BANK1: variants seen among roughly 807,000 people sequenced by gnomAD.
BANK1 encodes the protein B-cell scaffold protein with ankyrin repeats.
In BANK1, 95 loss-of-function variants were observed where a neutral mutation model predicts 94.5. That is an observed-to-expected ratio of 1.00 (90% CI 0.85 to 1.19). The LOEUF is 1.19. Ranked by LOEUF, BANK1 falls within the 50% of genes most tolerant of loss-of-function variation. The pLI is 0.00. For missense variants in BANK1, 987 were observed against 932.2 expected (o/e 1.06, Z -0.77); for synonymous variants, 334 against 308.4 (o/e 1.08, Z -0.87).
chr4:101,928,412 A>G (rs1352574565), intron 7 of BANK1, among the ~76,000 whole-genome samples: 2 of 151,160 alleles, frequency 1.3e-5, no homozygotes, highest in Non-Finnish European at 3.0e-5. Context: ...ACTGTCAGGG[A>G]AAAAAAAATC....
chr4:102,007,120 T>TATAATATATATATA (rs1301827687), intron 7 of BANK1, among the ~76,000 whole-genome samples: 2 of 35,302 alleles, frequency 5.7e-5, no homozygotes, highest in African/African-American at 1.6e-4. Flanking sequence ...TAAATATATA[T>TATAATATATATATA]TTTATATATA....
intron 6 of BANK1, among the ~76,000 whole-genome samples, chr4:101,903,468 G>A (rs1722347612): frequency 6.6e-6 from 1 of 152,150 alleles, no homozygotes; most frequent in African/African-American, 2.4e-5. Flanking sequence ...GTATGTGGAA[G>A]AAAAAGCCAG....
At chr4:102,044,048 T>C in intron 11 of BANK1, 141 bp downstream of exon 11, 1 of 492,930 alleles carries the variant, frequency 2.0e-6, no homozygotes, top group Non-Finnish European at 3.6e-6. Context: ...ATTATTATTA[T>C]ACTTTAAGTT....
chr4:101,939,515 C>T (rs1723673341), intron 7 of BANK1, among the ~76,000 whole-genome samples: 1 of 151,640 alleles, frequency 6.6e-6, no homozygotes, highest in Admixed American at 6.6e-5. Context: ...GCAGCATTAC[C>T]TGGAAACGTG....
chr4:101,885,797 G>A (rs142780464), intron 5 of BANK1, among the ~76,000 whole-genome samples: 294 of 152,308 alleles, frequency 1.9e-3, no homozygotes, highest in Non-Finnish European at 3.4e-3. Context: ...AACACCATGT[G>A]CAAACATCAC....
chr4:101,890,458 A>G (rs939904925), intron 5 of BANK1, among the ~76,000 whole-genome samples: 15 of 151,238 alleles, frequency 9.9e-5, no homozygotes, highest in African/African-American at 3.4e-4. Context: ...TGTCTATTTT[A>G]TTGATATTAA....
At chr4:101,811,927 T>A (rs984411612) in intron 1 of BANK1, among the ~76,000 whole-genome samples, 7 of 152,044 alleles carry the variant, frequency 4.6e-5, no homozygotes, top group Non-Finnish European at 7.4e-5. Context: ...AGGGCAGGAA[T>A]TGGGCTTTAT....
intron 10 of BANK1, among the ~76,000 whole-genome samples, chr4:102,041,261 T>C (rs1327690175): frequency 2.0e-5 from 3 of 152,060 alleles, no homozygotes; most frequent in African/African-American, 7.2e-5. Flanking sequence ...TTTCAGCTAA[T>C]AGGAACTATA....
intron 5 of BANK1, among the ~76,000 whole-genome samples, chr4:101,890,163 T>C (rs1162324672): frequency 6.6e-6 from 1 of 152,150 alleles, no homozygotes; most frequent in Admixed American, 6.5e-5. Flanking sequence ...TCTATGTATG[T>C]GGATTGATGC....
intron 10 of BANK1, among the ~76,000 whole-genome samples, chr4:102,033,834 C>T (rs1727409020): frequency 6.6e-6 from 1 of 152,172 alleles, no homozygotes; most frequent in Non-Finnish European, 1.5e-5. Flanking sequence ...AGCTGGACTA[C>T]AAATAATGTC....
chr4:102,066,492 C>T (rs1331050176), intron 13 of BANK1, among the ~76,000 whole-genome samples: 1 of 152,034 alleles, frequency 6.6e-6, no homozygotes, highest in Non-Finnish European at 1.5e-5. Flanking sequence ...CTCCTGACCT[C>T]GTGATCCGCC....
intron 7 of BANK1, among the ~76,000 whole-genome samples, chr4:101,956,771 C>G (rs536740336): frequency 3.5e-4 from 53 of 152,266 alleles, no homozygotes; most frequent in Non-Finnish European, 4.4e-5. Flanking sequence ...TGTAATGAAA[C>G]TGATTGATCA....
chr4:101,855,276 AT>A, intron 3 of BANK1, 87 bp downstream of exon 3: 1 of 1,352,886 alleles, frequency 7.4e-7, no homozygotes, highest in Non-Finnish European at 1.0e-6. Flanking sequence ...ACAGGGTCTC[AT>A]TAGGTTGCCC....
At chr4:101,805,897 A>G (rs1725534805) in intron 1 of BANK1, among the ~76,000 whole-genome samples, 1 of 151,898 alleles carries the variant, frequency 6.6e-6, no homozygotes, top group African/African-American at 2.4e-5. Flanking sequence ...ATATGAAATT[A>G]ACTTTTAATC....
intron 11 of BANK1, among the ~76,000 whole-genome samples, chr4:102,059,940 C>T (rs1728355084): frequency 6.6e-6 from 1 of 152,210 alleles, no homozygotes; most frequent in African/African-American, 2.4e-5. Flanking sequence ...GCACTGCCAT[C>T]AACTAGCGAA....
Position 101,908,045 on chromosome 4 carries a change from G to GA in BANK1, c.1010-9942dup, listed in dbSNP as rs557701965. On this transcript the variant is annotated intron_variant, in intron 6 of 16. Coordinates refer to ENST00000322953, the MANE Select transcript of BANK1 (RefSeq NM_017935.5). ...ACCAATGACTTTCTTCACAGAATTG[G>GA]AAAAAACTACTTTAAAGGTCATATG... Among the ~76,000 whole-genome samples, 279 of 152,160 alleles carry GA rather than the reference G, an allele frequency of 1.8e-3. 1 individual carries two copies. The highest frequency in any genetic ancestry group is 3.7e-3 in the Non-Finnish European group (255 of 68,002).
At chr4:101,940,097 T>A (rs1723692624) in intron 7 of BANK1, among the ~76,000 whole-genome samples, 1 of 151,738 alleles carries the variant, frequency 6.6e-6, no homozygotes, top group Non-Finnish European at 1.5e-5. Context: ...TTATTGTTCC[T>A]AAGAGATGTG....
chr4:101,930,608 A>T (rs1344137461), intron 7 of BANK1, among the ~76,000 whole-genome samples: 1 of 151,552 alleles, frequency 6.6e-6, no homozygotes, highest in Non-Finnish European at 1.5e-5. Context: ...TTAGCAAAAA[A>T]TTTTATAGTA....
chr4:101,873,857 G>T (rs868373871), intron 5 of BANK1, among the ~76,000 whole-genome samples: 2 of 152,074 alleles, frequency 1.3e-5, no homozygotes, highest in African/African-American at 4.8e-5. Flanking sequence ...TTGAACTAAG[G>T]TAATTAAAAT....
Sources: allele counts gnomAD v4.1 joint callset (sites outside exome capture counted in the v4.1 genomes callset), GRCh38; gene constraint gnomAD v4.1.1; transcripts MANE v1.5; gene names NCBI Gene and HGNC (gene_info 2026-07-23, HGNC 2026-07-21).